MYH15: variants seen among roughly 807,000 people sequenced by gnomAD.
MYH15 encodes myosin-15.
In MYH15, 227 loss-of-function variants were observed where a neutral mutation model predicts 240.5. The observed-to-expected ratio is 0.94, with a 90% CI of 0.85 to 1.05. The LOEUF is 1.05. MYH15 is among the 50% of genes least tolerant of loss of function. MYH15 has a pLI of 0.00. For missense variants in MYH15, 2,217 were observed against 2,247.5 expected, an observed-to-expected ratio of 0.99 and a Z score of 0.27; for synonymous variants, 785 against 796.7, an observed-to-expected ratio of 0.99 and a Z score of 0.25.
rs149999605 is a variant in MYH15, at chr3:108,439,315, A to G, written c.3075+422T>C. On this transcript the variant is annotated intron_variant, in intron 24 of 40. Transcript: ENST00000693548. ...CTTGTGGCTCACATATCTTTCAACC[A>G]TAAATAAATCTCAGCACACCACTGG... is the stretch of plus-strand genomic sequence containing the variant. 2.0e-3 allele frequency among the ~76,000 whole-genome samples: 307 copies of G among 152,350 alleles called. 1 individual carries two copies. Among genetic ancestry groups the G allele is most frequent in the Admixed American group, 8.2e-3 (126 of 15,300 alleles).
chr3:108,401,642 T>G (rs1487783553), intron 33 of MYH15, among the ~76,000 whole-genome samples: 1 of 152,230 alleles, frequency 6.6e-6, no homozygotes, highest in Non-Finnish European at 1.5e-5. Flanking sequence ...CACTGAAGCA[T>G]CCCCAGCCTG....
At chr3:108,533,137 T>TC (rs1553690669), upstream of MYH15, among the ~76,000 whole-genome samples, 2 of 132,746 alleles carry the variant, frequency 1.5e-5, no homozygotes, top group African/African-American at 2.8e-5. Flanking sequence ...TTTTTTTTTT[T>TC]CATGAGTATT....
intron 28 of MYH15, among the ~76,000 whole-genome samples, chr3:108,419,697 C>T (rs1216559220): frequency 6.6e-6 from 1 of 152,174 alleles, no homozygotes; most frequent in Non-Finnish European, 1.5e-5. Flanking sequence ...AAAAACATTT[C>T]CTTCTTCTAG....
rs1249303626 is a variant in MYH15 at position 108,444,747 on chromosome 3, G to A, written c.2548C>T (p.Gln850Ter). The A allele has an allele frequency of 6.2e-7, 1 of 1,613,888 alleles. No homozygotes were observed. The highest frequency in any genetic ancestry group is 8.5e-7 in the Non-Finnish European group (1 of 1,179,936). Reference protein sequence around the residue: ...EVAGLKEECAQLQKALEKSEF... With the variant: ...EVAGLKEECA ...GATTTCTCCAAGGCTTTCTGTAATT[G>A]TGCACACTCTTCCTTCAGTCCAGCT... The change falls in exon 22 of 41, where the codon CAA (glutamine) becomes TAA (stop). Residue 850 changes from glutamine to a stop codon, truncating the protein, a stop_gained. Transcript: ENST00000693548. LOFTEE classifies it high-confidence loss of function.
At chr3:108,512,762 C>A (rs1159007483), upstream of MYH15, among the ~76,000 whole-genome samples, 3 of 152,122 alleles carry the variant, frequency 2.0e-5, no homozygotes, top group Admixed American at 1.3e-4. Flanking sequence ...ACAGAGCACA[C>A]AGCTGTGTAA....
At chr3:108,412,411 C>T (rs2082601754) in intron 30 of MYH15, among the ~76,000 whole-genome samples, 1 of 152,128 alleles carries the variant, frequency 6.6e-6, no homozygotes, top group East Asian at 1.9e-4. Flanking sequence ...CTGAGGTCGC[C>T]CCAGCCATGG....
At chr3:108,436,498 C>T (rs2082837975) in intron 25 of MYH15, among the ~76,000 whole-genome samples, 1 of 152,172 alleles carries the variant, frequency 6.6e-6, no homozygotes, top group South Asian at 2.1e-4. Flanking sequence ...GGACTCTCTT[C>T]CCTCTTTCAC....
chr3:108,524,306 A>T (rs1220069603), intron 1 of MYH15, among the ~76,000 whole-genome samples: 1 of 151,954 alleles, frequency 6.6e-6, no homozygotes, highest in Non-Finnish European at 1.5e-5. Flanking sequence ...AAGAATTTGA[A>T]CATCTTTTCG....
intron 36 of MYH15, 84 bp from the exon 37 acceptor site, chr3:108,392,014 T>G: frequency 1.4e-6 from 2 of 1,461,086 alleles, no homozygotes; most frequent in East Asian, 4.5e-5. Flanking sequence ...GTTCCTGGTC[T>G]GACTGGCTGC....
intron 1 of MYH15, among the ~76,000 whole-genome samples, chr3:108,519,671 CAACGG>C (rs1208199957): frequency 6.6e-6 from 1 of 152,144 alleles, no homozygotes; most frequent in African/African-American, 2.4e-5. Context: ...ATACCACAGT[CAACGG>C]AATAAAGATT....
At chr3:108,454,345 T>C (rs2107577271) in intron 20 of MYH15, among the ~76,000 whole-genome samples, 1 of 152,202 alleles carries the variant, frequency 6.6e-6, no homozygotes, top group East Asian at 1.9e-4. Flanking sequence ...CGTTATTAAA[T>C]CATGTGGTTC....
chr3:108,423,105 G>C (rs1046700482), intron 27 of MYH15, among the ~76,000 whole-genome samples: 3 of 152,150 alleles, frequency 2.0e-5, no homozygotes, highest in Non-Finnish European at 4.4e-5. Context: ...CTCTCACAAG[G>C]CCAGAGTCCC....
At chr3:108,538,151 G>A in the MYH15 span, among the ~76,000 whole-genome samples, 6 of 152,262 alleles carry the variant, frequency 3.9e-5, 1 homozygote, top group Admixed American at 3.3e-4. Context: ...TACTGCTTCC[G>A]TTGTGTATTG....
intron 21 of MYH15, among the ~76,000 whole-genome samples, chr3:108,449,568 T>C (rs1214068776): frequency 3.9e-5 from 6 of 151,988 alleles, no homozygotes; most frequent in African/African-American, 2.4e-5. Flanking sequence ...TCTCACACCA[T>C]ATACAAATAT....
intron 33 of MYH15, among the ~76,000 whole-genome samples, chr3:108,401,251 A>G (rs1482816048): frequency 6.6e-6 from 1 of 152,224 alleles, no homozygotes; most frequent in Non-Finnish European, 1.5e-5. Flanking sequence ...AATTAAGATT[A>G]AATGAGGCTG....
chr3:108,493,568 T>C (rs377272566), intron 7 of MYH15, among the ~76,000 whole-genome samples: 2 of 152,234 alleles, frequency 1.3e-5, no homozygotes, highest in Admixed American at 6.5e-5. Context: ...CAAACATTCA[T>C]TGAGCATCTA....
chr3:108,387,322 T>C (rs966138843), intron 38 of MYH15, among the ~76,000 whole-genome samples: 3 of 152,334 alleles, frequency 2.0e-5, no homozygotes, highest in East Asian at 1.9e-4. Flanking sequence ...TGTCCTCTAA[T>C]GTCTTTTTAA....
chr3:108,410,364 G>A (rs547628899), intron 31 of MYH15, among the ~76,000 whole-genome samples: 1 of 152,208 alleles, frequency 6.6e-6, no homozygotes, highest in African/African-American at 2.4e-5. Flanking sequence ...CTTTACAGAG[G>A]GGAACTGAAG....
At chr3:108,542,967 GC>G in the MYH15 span, among the ~76,000 whole-genome samples, 4 of 147,246 alleles carry the variant, frequency 2.7e-5, no homozygotes, top group African/African-American at 1.0e-4. Flanking sequence ...TGTAACCTCT[GC>G]CTCACGGGCT....
Sources: allele counts gnomAD v4.1 joint callset (sites outside exome capture counted in the v4.1 genomes callset), GRCh38; gene constraint gnomAD v4.1.1; transcripts MANE v1.5; gene names NCBI Gene and HGNC (gene_info 2026-07-23, HGNC 2026-07-21).